ALDH2: variants seen among roughly 807,000 people sequenced by gnomAD.
ALDH2 encodes the protein aldehyde dehydrogenase, mitochondrial.
Under a neutral mutation model 59.6 loss-of-function variants are expected in ALDH2, and 44 were observed. That is an observed-to-expected ratio of 0.74 (90% CI 0.58 to 0.95). The LOEUF is 0.95. ALDH2 is among the 40% of genes least tolerant of loss of function. The pLI, the probability that ALDH2 is intolerant of heterozygous loss-of-function variation, is 0.00. For synonymous variants in ALDH2, 291 were observed against 284.0 expected (o/e 1.02, Z -0.25); for missense variants, 570 against 696.3 (o/e 0.82, Z 2.04).
chr12:111,775,590 A>T (rs573353590), intron 1 of ALDH2: 4 of 437,984 alleles, frequency 9.1e-6, no homozygotes, highest in South Asian at 6.6e-5. Flanking sequence ...GAAAATCTTT[A>T]TGTTTTGCCT....
chr12:111,789,675 A>G, intron 4 of ALDH2, 148 bp from the exon 5 acceptor site: 1 of 675,728 alleles, frequency 1.5e-6, no homozygotes, highest in South Asian at 1.9e-5. Flanking sequence ...TGACCTTTGC[A>G]GTCACTTGTC....
chr12:111,801,493 G>C (rs536553868), intron 11 of ALDH2, among the ~76,000 whole-genome samples: 1 of 151,972 alleles, frequency 6.6e-6, no homozygotes, highest in Non-Finnish European at 1.5e-5. Flanking sequence ...GAGGTCAAGA[G>C]TTTGAGACCA....
chr12:111,793,831 T>C (rs952765873), intron 9 of ALDH2, among the ~76,000 whole-genome samples: 5 of 151,556 alleles, frequency 3.3e-5, no homozygotes, highest in Non-Finnish European at 7.4e-5. Flanking sequence ...GGCAATCTGC[T>C]GTCAGGCACC....
At chr12:111,791,019 A>G (rs2068354334) in intron 6 of ALDH2, among the ~76,000 whole-genome samples, 1 of 152,214 alleles carries the variant, frequency 6.6e-6, no homozygotes, top group Admixed American at 6.5e-5. Context: ...ACTGCACTCC[A>G]GCCTGGGTGC....
At chr12:111,790,801 T>C (rs1283559178) in intron 6 of ALDH2, among the ~76,000 whole-genome samples, 1 of 152,138 alleles carries the variant, frequency 6.6e-6, no homozygotes, top group Admixed American at 6.6e-5. Flanking sequence ...ACGCCTGCAA[T>C]CCCAGCACTT....
chr12:111,773,214 G>A (rs1321782241), intron 1 of ALDH2, among the ~76,000 whole-genome samples: 2 of 151,820 alleles, frequency 1.3e-5, no homozygotes, highest in African/African-American at 2.4e-5. Context: ...GACACCGCCC[G>A]CCTCAGCCTC....
chr12:111,775,644 C>T, intron 1 of ALDH2: 1 of 455,864 alleles, frequency 2.2e-6, no homozygotes, highest in South Asian at 1.5e-5. Context: ...CACTGTGCTT[C>T]TGGAAACTAT....
chr12:111,767,143 C>A, intron 1 of ALDH2, 47 bp downstream of exon 1: 1 of 1,397,148 alleles, frequency 7.2e-7, no homozygotes, highest in Non-Finnish European at 9.4e-7. Flanking sequence ...GCCCGAGTCC[C>A]CCGCAGGCCC....
At chr12:111,772,386 A>T (rs1409814561) in intron 1 of ALDH2, among the ~76,000 whole-genome samples, 1 of 152,040 alleles carries the variant, frequency 6.6e-6, no homozygotes, top group Non-Finnish European at 1.5e-5. Flanking sequence ...TGTTTTTGAG[A>T]TGTAGTCTCA....
intron 4 of ALDH2, among the ~76,000 whole-genome samples, chr12:111,785,630 A>G (rs1205782459): frequency 1.3e-5 from 2 of 152,162 alleles, no homozygotes; most frequent in Non-Finnish European, 2.9e-5. Flanking sequence ...AGGCTAAGGT[A>G]GAAGAATCTC....
chr12:111,779,893 T>C (rs891048291), intron 1 of ALDH2, among the ~76,000 whole-genome samples: 1 of 152,166 alleles, frequency 6.6e-6, no homozygotes, highest in Non-Finnish European at 1.5e-5. Flanking sequence ...TATGTATGTA[T>C]TTATTTTTAT....
At chr12:111,771,677 T>TA (rs1007747602) in intron 1 of ALDH2, among the ~76,000 whole-genome samples, 20 of 152,158 alleles carry the variant, frequency 1.3e-4, no homozygotes, top group African/African-American at 4.6e-4. Flanking sequence ...CAGATCTCCA[T>TA]AAAAAATGTG....
At chr12:111,774,829 C>T (rs939135070) in intron 1 of ALDH2, among the ~76,000 whole-genome samples, 2 of 152,150 alleles carry the variant, frequency 1.3e-5, no homozygotes, top group Admixed American at 6.5e-5. Context: ...CTGAGCCCCT[C>T]GACCACCACA....
At chr12:111,802,607 G>A (rs1329791556) in intron 11 of ALDH2, among the ~76,000 whole-genome samples, 4 of 150,450 alleles carry the variant, frequency 2.7e-5, no homozygotes, top group African/African-American at 9.8e-5. Flanking sequence ...AGGGCAGGGC[G>A]CTGTGGTTCA....
chr12:111,771,836 C>T (rs1300865565), intron 1 of ALDH2, among the ~76,000 whole-genome samples: 5 of 152,130 alleles, frequency 3.3e-5, no homozygotes, highest in Admixed American at 6.6e-5. Flanking sequence ...CGGTGGCTCA[C>T]GCCTGTAATC....
chr12:111,798,841 T>C (rs1404574389), intron 10 of ALDH2, among the ~76,000 whole-genome samples: 2 of 151,982 alleles, frequency 1.3e-5, no homozygotes, highest in Non-Finnish European at 2.9e-5. Flanking sequence ...ACCCTGTCTG[T>C]ATTAAAAATA....
chr12:111,776,404 C>T (rs997285507), intron 1 of ALDH2, among the ~76,000 whole-genome samples: 1 of 152,052 alleles, frequency 6.6e-6, no homozygotes, highest in African/African-American at 2.4e-5. Flanking sequence ...CAGAAGTACT[C>T]GATGAGGCAT....
chr12:111,781,861 G>T, intron 1 of ALDH2, 57 bp from the exon 2 acceptor site: 1 of 1,232,416 alleles, frequency 8.1e-7, no homozygotes, highest in Non-Finnish European at 1.2e-6. Context: ...TTACAATACT[G>T]GTAGTCAGTA....
chr12:111,790,039 G>A, intron 5 of ALDH2, 105 bp downstream of exon 5: 3 of 1,062,976 alleles, frequency 2.8e-6, no homozygotes, highest in South Asian at 2.9e-5. Context: ...AGCCTGGGTG[G>A]CAGGTAAGAA....
Sources: allele counts gnomAD v4.1 joint callset (sites outside exome capture counted in the v4.1 genomes callset), GRCh38; gene constraint gnomAD v4.1.1; transcripts MANE v1.5; gene names NCBI Gene and HGNC (gene_info 2026-07-23, HGNC 2026-07-21).